The following RAB28 variants were observed in gnomAD, a reference collection of about 807,000 sequenced individuals.
RAB28 encodes RAB28, member RAS oncogene family.
In RAB28, 24 loss-of-function variants were observed where a neutral mutation model predicts 31.7. The ratio of observed to expected loss-of-function variants is 0.76; its 90% confidence interval spans 0.55 to 1.06. The LOEUF is 1.06. RAB28 is among the 50% of genes least tolerant of loss of function. The pLI, the probability that RAB28 is intolerant of heterozygous loss-of-function variation, is 0.00. For synonymous variants in RAB28, 100 were observed against 90.4 expected, an observed-to-expected ratio of 1.11 and a Z score of -0.60; for missense variants, 254 against 258.5, an observed-to-expected ratio of 0.98 and a Z score of 0.12.
chr4:13,472,905 T>C (rs998786015), intron 3 of RAB28, among the ~76,000 whole-genome samples: 3 of 151,888 alleles, frequency 2.0e-5, no homozygotes, highest in Non-Finnish European at 2.9e-5. Flanking sequence ...AAAATGAACA[T>C]GCATAAAATA....
chr4:13,447,871 A>T (rs1391855160), intron 4 of RAB28, among the ~76,000 whole-genome samples: 1 of 152,172 alleles, frequency 6.6e-6, no homozygotes, highest in East Asian at 1.9e-4. Flanking sequence ...TTAAACTACA[A>T]ATGAAGTTAA....
At chr4:13,420,980 T>C (rs1028926865) in intron 4 of RAB28, among the ~76,000 whole-genome samples, 1 of 152,224 alleles carries the variant, frequency 6.6e-6, no homozygotes, top group Non-Finnish European at 1.5e-5. Flanking sequence ...TGTTTGCAGA[T>C]GACATGATTG....
chr4:13,431,357 C>T (rs1713795910), intron 4 of RAB28, among the ~76,000 whole-genome samples: 1 of 152,172 alleles, frequency 6.6e-6, no homozygotes. Flanking sequence ...AGAGCTGGTG[C>T]ACCCGCTGCC....
chr4:13,401,679 T>C (rs763566155), intron 4 of RAB28, among the ~76,000 whole-genome samples: 20 of 152,366 alleles, frequency 1.3e-4, no homozygotes, highest in Non-Finnish European at 2.5e-4. Context: ...GTAATTTGTA[T>C]GTTCTCTCTT....
At chr4:13,385,302 T>C (rs1425052298) in intron 4 of RAB28, among the ~76,000 whole-genome samples, 1 of 152,078 alleles carries the variant, frequency 6.6e-6, no homozygotes, top group Non-Finnish European at 1.5e-5. Flanking sequence ...CATGAGAATC[T>C]CCCCAACCTA....
At chr4:13,450,968 G>A (rs905947423) in intron 4 of RAB28, among the ~76,000 whole-genome samples, 1 of 151,766 alleles carries the variant, frequency 6.6e-6, no homozygotes, top group Non-Finnish European at 1.5e-5. Context: ...CCCTAACATT[G>A]GTAAATTTGG....
At chr4:13,370,612 A>C in intron 6 of RAB28, 1 of 982,782 alleles carries the variant, frequency 1.0e-6, no homozygotes, top group Non-Finnish European at 1.2e-6. Context: ...TGAAGACATC[A>C]GAGGAAGGCA....
At chr4:13,444,750 A>G (rs1714611242) in intron 4 of RAB28, among the ~76,000 whole-genome samples, 1 of 152,236 alleles carries the variant, frequency 6.6e-6, no homozygotes, top group South Asian at 2.1e-4. Context: ...TGTAACCCAA[A>G]GCTTAATCTT....
intron 4 of RAB28, among the ~76,000 whole-genome samples, chr4:13,419,238 A>G (rs1712974187): frequency 6.6e-6 from 1 of 152,248 alleles, no homozygotes; most frequent in Admixed American, 6.5e-5. Flanking sequence ...AGGAGCACCC[A>G]GATTCATAAA....
intron 1 of RAB28, 99 bp from the exon 2 acceptor site, chr4:13,479,625 A>G (rs1266778774): frequency 1.3e-6 from 1 of 779,156 alleles, no homozygotes; most frequent in Admixed American, 2.5e-5. Flanking sequence ...GTATATTGCA[A>G]TTAATCCAAC....
At chr4:13,465,528 A>C (rs1299410230) in intron 3 of RAB28, among the ~76,000 whole-genome samples, 2 of 151,382 alleles carry the variant, frequency 1.3e-5, no homozygotes, top group African/African-American at 4.9e-5. Flanking sequence ...TAAAAAAAAA[A>C]CTACCTAGAA....
At chr4:13,405,687 C>T (rs1425355017) in intron 4 of RAB28, among the ~76,000 whole-genome samples, 1 of 152,082 alleles carries the variant, frequency 6.6e-6, no homozygotes, top group Non-Finnish European at 1.5e-5. Flanking sequence ...ACCCTGATTT[C>T]CATTTTTCAG....
At chr4:13,463,583 G>A (rs1024289040) in intron 3 of RAB28, among the ~76,000 whole-genome samples, 5 of 152,040 alleles carry the variant, frequency 3.3e-5, no homozygotes, top group African/African-American at 1.2e-4. Flanking sequence ...GGAAAAATCT[G>A]CCAATCTCTG....
chr4:13,470,330 G>C (rs1716063389), intron 3 of RAB28, among the ~76,000 whole-genome samples: 1 of 152,042 alleles, frequency 6.6e-6, no homozygotes, highest in African/African-American at 2.4e-5. Context: ...AACATAATCA[G>C]TTATAAGTTG....
At chr4:13,397,944 A>G (rs993812428) in intron 4 of RAB28, among the ~76,000 whole-genome samples, 1 of 152,126 alleles carries the variant, frequency 6.6e-6, no homozygotes, top group African/African-American at 2.4e-5. Context: ...ATGAATCTTC[A>G]TAACTCCAAA....
chr4:13,453,967 T>G (rs1272364712), intron 4 of RAB28, among the ~76,000 whole-genome samples: 1 of 152,172 alleles, frequency 6.6e-6, no homozygotes. Flanking sequence ...ATATAAGTAT[T>G]TGTTCACTTA....
intron 4 of RAB28, among the ~76,000 whole-genome samples, chr4:13,458,787 A>G (rs1213791049): frequency 6.6e-6 from 1 of 152,218 alleles, no homozygotes; most frequent in Non-Finnish European, 1.5e-5. Flanking sequence ...CATGCTATAC[A>G]AGTTTGTAGC....
intron 4 of RAB28, among the ~76,000 whole-genome samples, chr4:13,403,439 A>G (rs1044319068): frequency 3.3e-5 from 5 of 152,094 alleles, no homozygotes; most frequent in African/African-American, 9.7e-5. Context: ...GATTTTGTCT[A>G]TTTCTCAACT....
At chr4:13,432,964 A>G (rs1045135156) in intron 4 of RAB28, among the ~76,000 whole-genome samples, 6 of 151,776 alleles carry the variant, frequency 4.0e-5, no homozygotes, top group African/African-American at 1.5e-4. Context: ...TAAAAGACAC[A>G]GAGTGGCAAA....
Sources: gnomAD v4.1 joint callset for allele counts (sites outside exome capture counted in the v4.1 genomes callset) on GRCh38, gnomAD v4.1.1 for gene constraint, MANE v1.5 for transcripts, NCBI Gene and HGNC (gene_info 2026-07-23, HGNC 2026-07-21) for gene names.